UNC79: variants seen among roughly 807,000 people sequenced by gnomAD.
UNC79 encodes unc-79 subunit of NALCN channel complex.
UNC79 carries 37 observed loss-of-function variants against 283.1 expected under a neutral mutation model. That is an observed-to-expected ratio of 0.13 (90% CI 0.10 to 0.17). The LOEUF (loss-of-function observed/expected upper bound fraction) is 0.17, where lower values mean the gene tolerates loss of function less well. UNC79 is among the 10% of genes least tolerant of loss of function. The pLI is 1.00. For synonymous variants in UNC79, 1,107 were observed against 1,200.2 expected (o/e 0.92, Z 1.61); for missense variants, 2,272 against 3,211.1 (o/e 0.71, Z 7.07).
In UNC79 at chr14:93,554,468, A is replaced by C. The variant is rs544122341; in HGVS notation, c.1755+11772A>C. Among the ~76,000 whole-genome samples, 18 of 152,328 alleles carry C rather than the reference A, an allele frequency of 1.2e-4. No individual in the cohort carries two copies. The South Asian group carries it at 3.5e-3, about 30-fold the overall frequency. ...CATTAGTATATTAATACTAAAGCTA[A>C]TTTCAATAACATTTGATGAAGCTAT... is the stretch of plus-strand genomic sequence containing the variant. On this transcript the variant is annotated intron_variant, in intron 14 of 48. Coordinates refer to ENST00000555664, the Ensembl canonical transcript of UNC79.
At chr14:93,662,877 AACACACACAC>A (rs35000706) in intron 40 of UNC79, among the ~76,000 whole-genome samples, 163 bp downstream of exon 43, 3 of 148,594 alleles carry the variant, frequency 2.0e-5, no homozygotes, top group East Asian at 2.0e-4. Flanking sequence ...AAACACTTTA[AACACACACAC>A]ACACACACAC....
chr14:93,490,075 G>T (rs187777027), intron 5 of UNC79, among the ~76,000 whole-genome samples: 41 of 152,302 alleles, frequency 2.7e-4, no homozygotes, highest in Non-Finnish European at 5.4e-4. Context: ...AAGGTGCCTT[G>T]TGAGGGGGTG....
At chr14:93,665,052 C>T (rs963843809) in intron 40 of UNC79, among the ~76,000 whole-genome samples, 1 of 151,296 alleles carries the variant, frequency 6.6e-6, no homozygotes, top group Admixed American at 6.6e-5. Context: ...AAATGATATA[C>T]ATATCATTAA....
At chr14:93,532,115 A>G (rs1253130050) in intron 10 of UNC79, among the ~76,000 whole-genome samples, 1 of 152,176 alleles carries the variant, frequency 6.6e-6, no homozygotes, top group Non-Finnish European at 1.5e-5. Context: ...GGCCAAGTCC[A>G]GAGGTCATAT....
chr14:93,371,563 G>A (rs1020888273), intron 1 of UNC79, among the ~76,000 whole-genome samples: 15 of 152,018 alleles, frequency 9.9e-5, no homozygotes, highest in African/African-American at 3.6e-4. Context: ...AATTACAGCC[G>A]GGCTAGGTGG....
intron 2 of UNC79, among the ~76,000 whole-genome samples, chr14:93,469,408 A>T (rs551358405): frequency 1.3e-5 from 2 of 152,072 alleles, no homozygotes; most frequent in South Asian, 2.1e-4. Context: ...CATTTTTTTT[A>T]AAACTAGAAG....
intron 1 of UNC79, among the ~76,000 whole-genome samples, chr14:93,360,424 G>A (rs760585207): frequency 3.3e-5 from 5 of 152,208 alleles, no homozygotes; most frequent in Non-Finnish European, 5.9e-5. Context: ...GAGAATGACC[G>A]TGGATTATCG....
At chr14:93,366,871 C>G (rs1353258069) in intron 1 of UNC79, among the ~76,000 whole-genome samples, 1 of 152,148 alleles carries the variant, frequency 6.6e-6, no homozygotes, top group African/African-American at 2.4e-5. Context: ...CCGTGCCCAG[C>G]CTTTCTTAAT....
exon 24 of UNC79, chr14:93,597,415 C>T (rs1227605249): frequency 1.9e-6 from 3 of 1,614,076 alleles, no homozygotes; most frequent in Non-Finnish European, 2.5e-6. Context: ...AACCAAAAAC[C>T]ACCTGCTGAA....
At chr14:93,347,403 A>T in intron 1 of UNC79, 2 of 1,473,940 alleles carry the variant, frequency 1.4e-6, no homozygotes, top group Non-Finnish European at 1.8e-6. Flanking sequence ...CGGTGAGTTG[A>T]GGCCCAGCCA....
chr14:93,411,363 G>T (rs1439025534), intron 1 of UNC79, among the ~76,000 whole-genome samples: 1 of 152,210 alleles, frequency 6.6e-6, no homozygotes, highest in East Asian at 1.9e-4. Context: ...CCCAGGACCT[G>T]GGGGAACTTG....
chr14:93,463,123 G>A (rs536206868), intron 1 of UNC79, among the ~76,000 whole-genome samples: 2 of 152,244 alleles, frequency 1.3e-5, no homozygotes, highest in African/African-American at 4.8e-5. Context: ...AGAAGGATAC[G>A]TTCCAGGGGG....
At chr14:93,482,946 C>T (rs1375856826) in intron 4 of UNC79, among the ~76,000 whole-genome samples, 8 of 152,058 alleles carry the variant, frequency 5.3e-5, no homozygotes, top group Admixed American at 5.2e-4. Context: ...ATGACCTGAC[C>T]CTTGACTACC....
At chr14:93,494,555 G>A (rs977720767) in intron 5 of UNC79, among the ~76,000 whole-genome samples, 24 of 152,268 alleles carry the variant, frequency 1.6e-4, no homozygotes, top group African/African-American at 5.5e-4. Flanking sequence ...ACAGAGCTTT[G>A]GACTAGAGAT....
At chr14:93,503,427 C>A (rs2059389396) in intron 7 of UNC79, among the ~76,000 whole-genome samples, 1 of 151,974 alleles carries the variant, frequency 6.6e-6, no homozygotes, top group Admixed American at 6.5e-5. Context: ...AGGTGGAATT[C>A]CTGGATTGGA....
chr14:93,592,701 C>T (rs1458777233), intron 22 of UNC79, among the ~76,000 whole-genome samples: 1 of 151,490 alleles, frequency 6.6e-6, no homozygotes, highest in Non-Finnish European at 1.5e-5. Context: ...AACAAAACAA[C>T]AACAAAAACA....
In UNC79 at chr14:93,606,267, A is replaced by G. The variant is rs76112460; in HGVS notation, c.3754+2849A>G. On this transcript the variant is annotated intron_variant, in intron 26 of 48. Transcript: ENST00000555664. The stretch of plus-strand genomic sequence containing the variant: ...AAGCCTTCAGGCATCTAATTATTCC[A>G]CCAAAAGTGGCCAGATGGAAAAGAG... Among the ~76,000 whole-genome samples the G allele has an allele frequency of 6.2e-3, 944 of 152,316 alleles. 7 individuals are homozygous for G. The highest frequency in any genetic ancestry group is 0.041 in the Middle Eastern group (12 of 292).
chr14:93,513,744 C>T (rs2059934195), intron 7 of UNC79, among the ~76,000 whole-genome samples: 1 of 152,142 alleles, frequency 6.6e-6, no homozygotes, highest in Non-Finnish European at 1.5e-5. Flanking sequence ...AGTCAACCTA[C>T]TCTACTATCA....
chr14:93,466,798 T>C (rs1208280797), intron 1 of UNC79: 3 of 959,636 alleles, frequency 3.1e-6, no homozygotes, highest in Non-Finnish European at 3.7e-6. Flanking sequence ...TTGATCATCA[T>C]GGCTCCTTGG....
Sources: allele counts gnomAD v4.1 joint callset (sites outside exome capture counted in the v4.1 genomes callset), GRCh38; gene constraint gnomAD v4.1.1; transcripts MANE v1.5; gene names NCBI Gene and HGNC (gene_info 2026-07-23, HGNC 2026-07-21).